NEO1: variants seen among roughly 807,000 people sequenced by gnomAD.
The protein encoded by NEO1 is neogenin 1.
In NEO1, 63 loss-of-function variants were observed where a neutral mutation model predicts 159.7. That is an observed-to-expected ratio of 0.39 (90% CI 0.32 to 0.49). NEO1 has a LOEUF of 0.49. Among genes scored for constraint, NEO1 ranks in the 20% least tolerant of loss-of-function variants. The probability of loss-of-function intolerance (pLI) is 0.85; values close to 1 mark genes in which losing one functional copy is unlikely to be tolerated. For synonymous variants in NEO1, 633 were observed against 662.0 expected (o/e 0.96, Z 0.67); for missense variants, 1,615 against 1,831.0 (o/e 0.88, Z 2.15).
intron 1 of NEO1, among the ~76,000 whole-genome samples, chr15:73,094,923 T>C (rs2069914662): frequency 6.6e-6 from 1 of 152,100 alleles, no homozygotes; most frequent in African/African-American, 2.4e-5. Context: ...TAGAAAACCA[T>C]AGCTAGGCTG....
At position 73,301,314 on chromosome 15, in the gene NEO1, C is replaced by G. The variant is rs373283015; in HGVS notation, c.4166-7C>G. 2 of 1,614,164 alleles carry G rather than the reference C, an allele frequency of 1.2e-6. No individual in the cohort carries two copies. Among genetic ancestry groups the G allele is most frequent in the South Asian group, 2.2e-5 (2 of 91,074 alleles). ...GCCACATATCTGATGGTGCCCTTTC[C>G]CCTCAGCTCTGAACCATCACATTCA... On this transcript the variant is annotated splice_polypyrimidine_tract_variant and splice_region_variant and intron_variant, in intron 27 of 28. Coordinates refer to ENST00000261908, the MANE Select transcript of NEO1 (RefSeq NM_002499.4).
intron 7 of NEO1, among the ~76,000 whole-genome samples, chr15:73,188,091 G>C (rs11853109): frequency 0.098 from 14,856 of 152,062 alleles, 981 homozygotes; most frequent in African/African-American, 0.18. Context: ...TCCTGTGAAA[G>C]GAATTGTTTG....
chr15:73,112,778 T>C lies in NEO1; in HGVS notation c.131-3762T>C, dbSNP rs559181333. Among the ~76,000 whole-genome samples, 16 of 152,348 alleles carry C rather than the reference T, an allele frequency of 1.1e-4. No homozygotes were observed. In the South Asian group the frequency reaches 3.3e-3, roughly 32 times the overall value. ...TTCCTCTCTAAAATGGGGCTGATTC[T>C]TGTACCTGTTTTGTAAGATGATAGT... On this transcript the variant is annotated intron_variant, in intron 1 of 28. Transcript: ENST00000261908.
intron 11 of NEO1, among the ~76,000 whole-genome samples, chr15:73,252,532 A>G (rs1243635210): frequency 6.6e-5 from 10 of 152,196 alleles, no homozygotes; most frequent in African/African-American, 1.9e-4. Context: ...TCTTTGCTGT[A>G]CTTGGGAACT....
Position 73,059,849 on chromosome 15 carries a change from T to A in NEO1, c.130+7044T>A, listed in dbSNP as rs567105681. Among the ~76,000 whole-genome samples, 262 of 152,310 alleles carry A rather than the reference T, an allele frequency of 1.7e-3. 1 individual carries two copies. Among genetic ancestry groups the A allele is most frequent in the African/African-American group, 6.0e-3 (251 of 41,562 alleles). Reference sequence around the variant, plus strand: ...TTGAATGTATGAGAATGCTCATAATTGAGCTGTCTGGGGGTACAGCTACTC... The same window carrying A: ...TTGAATGTATGAGAATGCTCATAATAGAGCTGTCTGGGGGTACAGCTACTC... On this transcript the variant is annotated intron_variant, in intron 1 of 28. Transcript: ENST00000261908.
intron 1 of NEO1, among the ~76,000 whole-genome samples, chr15:73,109,813 A>G (rs2070877739): frequency 6.6e-6 from 1 of 152,154 alleles, no homozygotes; most frequent in Admixed American, 6.5e-5. Context: ...GATCTGTATA[A>G]TATTAACAAT....
chr15:73,207,617 G>A (rs951296086), intron 7 of NEO1, among the ~76,000 whole-genome samples: 4 of 152,120 alleles, frequency 2.6e-5, no homozygotes, highest in South Asian at 2.1e-4. Flanking sequence ...TACTTTATAT[G>A]TAATACAGTC....
chr15:73,292,584 C>T (rs775556674), intron 25 of NEO1, among the ~76,000 whole-genome samples: 2 of 152,188 alleles, frequency 1.3e-5, no homozygotes, highest in Non-Finnish European at 2.9e-5. Context: ...GAATCTCTGT[C>T]TTCATAGAAA....
intron 8 of NEO1, among the ~76,000 whole-genome samples, chr15:73,241,047 C>A (rs548144810): frequency 2.0e-5 from 3 of 152,296 alleles, no homozygotes; most frequent in Non-Finnish European, 4.4e-5. Context: ...TCACCCACTT[C>A]CTGCATTTGA....
chr15:73,067,642 A>C (rs1323492755), intron 1 of NEO1, among the ~76,000 whole-genome samples: 1 of 112,992 alleles, frequency 8.9e-6, no homozygotes, highest in Non-Finnish European at 1.8e-5. Flanking sequence ...TTTGAGACAG[A>C]GTCTCGCTCT....
At chr15:73,218,820 T>C (rs906017539) in intron 7 of NEO1, among the ~76,000 whole-genome samples, 30 of 151,668 alleles carry the variant, frequency 2.0e-4, no homozygotes, top group African/African-American at 6.0e-4. Context: ...TCTCTCTTTT[T>C]TTATTAGTCT....
intron 21 of NEO1, among the ~76,000 whole-genome samples, chr15:73,275,032 G>A (rs1208111385): frequency 6.6e-6 from 1 of 152,144 alleles, no homozygotes. Context: ...ACAACGATAA[G>A]CATTTAAGTC....
intron 7 of NEO1, among the ~76,000 whole-genome samples, chr15:73,227,788 T>C (rs1255703100): frequency 2.6e-5 from 4 of 152,196 alleles, no homozygotes; most frequent in African/African-American, 9.6e-5. Context: ...AACAAAGGTA[T>C]AAAAGCTGTA....
At chr15:73,197,140 G>A (rs1474711830) in intron 7 of NEO1, among the ~76,000 whole-genome samples, 1 of 152,064 alleles carries the variant, frequency 6.6e-6, no homozygotes, top group Non-Finnish European at 1.5e-5. Context: ...TGGGCAGATC[G>A]CTTGAGCTCG....
chr15:73,293,414 A>G lies in NEO1; in HGVS notation c.3767A>G (p.His1256Arg), dbSNP rs548041199. ...GCTGTGATTAGTGCCCATCCCATCCATTCCCTCGATAACCCTCACCATCAT... is the reference window on the plus strand; with the variant it reads ...GCTGTGATTAGTGCCCATCCCATCCGTTCCCTCGATAACCCTCACCATCAT... ...PQPVISAHPI[H>R]SLDNPHHHFH... The change falls in exon 26 of 29, where the codon CAT becomes CGT. Residue 1256 changes from histidine (H) to arginine (R), a missense_variant. By Grantham distance (29) the His-to-Arg change is conservative (BLOSUM62 0). Transcript: ENST00000261908. 1 of 1,614,126 alleles carries G rather than the reference A, an allele frequency of 6.2e-7. No individual in the cohort carries two copies. The highest frequency in any genetic ancestry group is 2.2e-5 in the East Asian group (1 of 44,878).
In NEO1 at chr15:73,052,656, C is replaced by T; in HGVS notation, c.-20C>T. 2 of 1,278,752 alleles carry T rather than the reference C, an allele frequency of 1.6e-6. No homozygotes were observed. The highest frequency in any genetic ancestry group is 1.6e-5 in the African/African-American group (1 of 63,130). 79.2% of individuals were successfully genotyped at this position (1,278,752 alleles called of 1,614,324 possible). The stretch of plus-strand genomic sequence containing the variant: ...TCCGCGGCGCTGTCGCCGCCGCTGC[C>T]GCTCACTCTCGGGGAAGAGATGGCG... On this transcript the variant is annotated 5_prime_UTR_variant, in exon 1 of 29. Coordinates refer to ENST00000261908, the MANE Select transcript of NEO1 (RefSeq NM_002499.4).
At chr15:73,198,874 CAG>C (rs1387336724) in intron 7 of NEO1, among the ~76,000 whole-genome samples, 4 of 151,778 alleles carry the variant, frequency 2.6e-5, no homozygotes, top group Admixed American at 2.6e-4. Flanking sequence ...GAAGATAATA[CAG>C]ATAGTTCTCA....
intron 1 of NEO1, among the ~76,000 whole-genome samples, chr15:73,102,810 T>G (rs1464483284): frequency 6.6e-6 from 1 of 152,232 alleles, no homozygotes; most frequent in Non-Finnish European, 1.5e-5. Context: ...TCAACATGTA[T>G]TCTTCATTCT....
intron 18 of NEO1, 66 bp downstream of exon 18, chr15:73,270,520 G>A (rs114198681): frequency 4.0e-6 from 6 of 1,501,548 alleles, no homozygotes; most frequent in African/African-American, 1.4e-5. Context: ...TTGAGTGCCT[G>A]AATTGACATA....
Sources: allele counts gnomAD v4.1 joint callset (sites outside exome capture counted in the v4.1 genomes callset), GRCh38; gene constraint gnomAD v4.1.1; transcripts MANE v1.5; gene names NCBI Gene and HGNC (gene_info 2026-07-23, HGNC 2026-07-21).